The following DSCAM variants were observed in gnomAD, a reference collection of about 807,000 sequenced individuals.
The protein encoded by DSCAM is cell adhesion molecule DSCAM.
Under a neutral mutation model 217.7 loss-of-function variants are expected in DSCAM, and 47 were observed. That is an observed-to-expected ratio of 0.22 (90% confidence interval 0.17 to 0.28). The LOEUF is 0.28. Ranked by LOEUF, DSCAM falls within the 10% of genes least tolerant of loss-of-function variation. DSCAM has a pLI of 1.00. For missense variants in DSCAM, 2,080 were observed against 2,618.3 expected, an observed-to-expected ratio of 0.79 and a Z score of 4.49; for synonymous variants, 1,056 against 1,015.3, an observed-to-expected ratio of 1.04 and a Z score of -0.76.
intron 3 of DSCAM, among the ~76,000 whole-genome samples, chr21:40,390,567 C>A (rs549268071): frequency 8.8e-4 from 134 of 152,242 alleles, no homozygotes; most frequent in Middle Eastern, 3.4e-3. Flanking sequence ...GTATTCTTTT[C>A]CATTTCTGGA....
intron 3 of DSCAM, among the ~76,000 whole-genome samples, chr21:40,504,158 G>A (rs1601697334): frequency 6.6e-6 from 1 of 152,132 alleles, no homozygotes; most frequent in Non-Finnish European, 1.5e-5. Context: ...GGAAAGGAAA[G>A]AGAAGAGAAG....
intron 3 of DSCAM, among the ~76,000 whole-genome samples, chr21:40,399,986 T>C (rs995204886): frequency 6.6e-6 from 1 of 152,214 alleles, no homozygotes; most frequent in Non-Finnish European, 1.5e-5. Flanking sequence ...GAATGGATTC[T>C]TCAACAGGAT....
intron 3 of DSCAM, among the ~76,000 whole-genome samples, chr21:40,631,242 G>C (rs963361594): frequency 6.6e-6 from 1 of 152,030 alleles, no homozygotes; most frequent in African/African-American, 2.4e-5. Context: ...AGCTCTATCT[G>C]CCCCATGTCA....
chr21:40,560,022 T>C (rs2076707554), intron 3 of DSCAM, among the ~76,000 whole-genome samples: 1 of 152,154 alleles, frequency 6.6e-6, no homozygotes. Flanking sequence ...CTCGATCTCC[T>C]GACCTCGTGA....
chr21:40,344,280 CTAATA>C (rs1466378482), intron 6 of DSCAM, among the ~76,000 whole-genome samples: 1 of 152,126 alleles, frequency 6.6e-6, no homozygotes, highest in Non-Finnish European at 1.5e-5. Context: ...TAAATATTTA[CTAATA>C]TATTTACCAT....
At chr21:40,260,165 T>C (rs531334410) in intron 11 of DSCAM, among the ~76,000 whole-genome samples, 6 of 152,310 alleles carry the variant, frequency 3.9e-5, no homozygotes, top group African/African-American at 1.4e-4. Context: ...CTCAAGCATC[T>C]TTGGAATGAG....
At chr21:40,125,725 A>G (rs891349489) in intron 19 of DSCAM, among the ~76,000 whole-genome samples, 1 of 152,332 alleles carries the variant, frequency 6.6e-6, no homozygotes, top group East Asian at 1.9e-4. Context: ...TAAATGATAG[A>G]TCCTGGGTTA....
intron 1 of DSCAM, among the ~76,000 whole-genome samples, chr21:40,731,180 A>G (rs1266374739): frequency 6.6e-6 from 1 of 152,222 alleles, no homozygotes; most frequent in East Asian, 1.9e-4. Flanking sequence ...AGTCAACCTT[A>G]CAGATTCTGA....
At chr21:40,593,671 T>A (rs1192435355) in intron 3 of DSCAM, among the ~76,000 whole-genome samples, 4 of 152,190 alleles carry the variant, frequency 2.6e-5, no homozygotes, top group South Asian at 2.1e-4. Flanking sequence ...TATAAAACTA[T>A]TTAAAATTAT....
intron 1 of DSCAM, among the ~76,000 whole-genome samples, chr21:40,809,626 C>G (rs7279413): frequency 0.9 from 136,474 of 152,262 alleles, 61,236 homozygotes; most frequent in African/African-American, 0.92. Flanking sequence ...TTGGACTGCA[C>G]TTGCTTCACT....
chr21:40,160,461 A>C lies in DSCAM; in HGVS notation c.3018+6757T>G, dbSNP rs1420776429. 3.3e-5 allele frequency among the ~76,000 whole-genome samples: 5 copies of C among 152,322 alleles called. No individual in the cohort carries two copies. In the East Asian group the frequency reaches 9.6e-4, roughly 29 times the overall value. On this transcript the variant is annotated intron_variant, in intron 16 of 32. Coordinates refer to ENST00000400454, the MANE Select transcript of DSCAM (RefSeq NM_001389.5). ...ATGTACTTTTCAGTTTTCACTATGA[A>C]TATTACATGTTTGTATATATATGTT... is the stretch of plus-strand genomic sequence containing the variant.
chr21:40,182,607 G>A (rs1055081819), intron 14 of DSCAM, among the ~76,000 whole-genome samples: 21 of 135,326 alleles, frequency 1.6e-4, no homozygotes, highest in African/African-American at 5.7e-4. Flanking sequence ...CAGAGAAACC[G>A]TGGACAGAAC....
intron 3 of DSCAM, among the ~76,000 whole-genome samples, chr21:40,550,033 T>C (rs2837699): frequency 0.57 from 85,849 of 151,944 alleles, 24,598 homozygotes; most frequent in South Asian, 0.62. Flanking sequence ...CTTGACGTTA[T>C]TTACAAATGA....
chr21:40,507,371 G>A (rs1380776551), intron 3 of DSCAM, among the ~76,000 whole-genome samples: 1 of 152,146 alleles, frequency 6.6e-6, no homozygotes, highest in African/African-American at 2.4e-5. Flanking sequence ...CATCATTAAA[G>A]CATATAGCTC....
chr21:40,718,868 G>A (rs1334248381), intron 1 of DSCAM, among the ~76,000 whole-genome samples: 3 of 152,196 alleles, frequency 2.0e-5, no homozygotes, highest in Non-Finnish European at 4.4e-5. Context: ...GCTGATGCCT[G>A]TAATCCCAGC....
At chr21:40,571,578 T>G (rs2076807058) in intron 3 of DSCAM, among the ~76,000 whole-genome samples, 3 of 152,114 alleles carry the variant, frequency 2.0e-5, no homozygotes. Context: ...TGATAGAAGC[T>G]CAAATCTGCA....
chr21:40,424,702 G>A (rs1040517721), intron 3 of DSCAM, among the ~76,000 whole-genome samples: 2 of 152,256 alleles, frequency 1.3e-5, no homozygotes, highest in African/African-American at 4.8e-5. Flanking sequence ...GTTCAACAAC[G>A]ATATGCCTGA....
intron 1 of DSCAM, among the ~76,000 whole-genome samples, chr21:40,715,227 C>A (rs2090829095): frequency 6.6e-6 from 1 of 152,232 alleles, no homozygotes; most frequent in East Asian, 1.9e-4. Context: ...CTTTTCACAT[C>A]ACTATTTTAG....
intron 1 of DSCAM, among the ~76,000 whole-genome samples, chr21:40,757,231 T>TA (rs2091285778): frequency 6.6e-6 from 1 of 151,928 alleles, no homozygotes; most frequent in East Asian, 1.9e-4. Context: ...TTCACCATGT[T>TA]AGCCAAGATG....
Sources: allele counts gnomAD v4.1 joint callset (sites outside exome capture counted in the v4.1 genomes callset), GRCh38; gene constraint gnomAD v4.1.1; transcripts MANE v1.5; gene names NCBI Gene and HGNC (gene_info 2026-07-23, HGNC 2026-07-21).